The following FPR2 variants were observed in gnomAD, a reference collection of about 807,000 sequenced individuals.
FPR2 encodes the protein N-formyl peptide receptor 2.
FPR2 carries 3 observed loss-of-function variants against 4.0 expected under a neutral mutation model. That is an observed-to-expected ratio of 0.74 (90% CI 0.34 to 1.92). The LOEUF is 1.92. FPR2 is among the 30% of genes most tolerant of loss of function. The probability of loss-of-function intolerance (pLI) is 0.07; values close to 1 mark genes in which losing one functional copy is unlikely to be tolerated. For missense variants in FPR2, 372 were observed against 435.7 expected (o/e 0.85, Z 1.30); for synonymous variants, 179 against 171.5 (o/e 1.04, Z -0.34).
At position 51,770,404 on chromosome 19, in the gene FPR2, T is replaced by C. The variant is rs534484136; in HGVS notation, c.*690T>C. ...TTCTACTATCCTTGCTAAGTTTTCA[T>C]AGAAAATAAGGAACAAAGAGAAACT... On this transcript the variant is annotated 3_prime_UTR_variant, in exon 2 of 2. Coordinates refer to ENST00000340023, the MANE Select transcript of FPR2 (RefSeq NM_001005738.2). 1 of 167,096 alleles carries C rather than the reference T, an allele frequency of 6.0e-6. No homozygotes were observed. 10.4% of individuals were successfully genotyped at this position (167,096 alleles called of 1,614,324 possible).
intron 1 of FPR2, among the ~76,000 whole-genome samples, chr19:51,765,989 G>A (rs768046815): frequency 6.1e-4 from 93 of 152,234 alleles, no homozygotes; most frequent in African/African-American, 2.1e-3. Flanking sequence ...GCAGTGGCAC[G>A]GCTCACTGCA....
At chr19:51,762,235 G>A (rs560140111) in intron 1 of FPR2, among the ~76,000 whole-genome samples, 7 of 151,568 alleles carry the variant, frequency 4.6e-5, no homozygotes, top group South Asian at 4.2e-4. Context: ...ACAGGCACCC[G>A]CCATCACGCC....
chr19:51,768,712 G>A lies in FPR2; in HGVS notation c.54G>A (p.Glu18=). Residue 18 remains glutamate, a synonymous_variant, in exon 2 of 2, where the codon GAG becomes GAA. Transcript: ENST00000340023. Reference sequence around the variant, plus strand: ...ATGAATATGAAGAAGTGTCCTATGAGTCTGCTGGCTACACTGTTCTGCGGA... The same window carrying A: ...ATGAATATGAAGAAGTGTCCTATGAATCTGCTGGCTACACTGTTCTGCGGA... The part of the protein sequence containing the change: ...PLNEYEEVSY[E]SAGYTVLRIL... The A allele has an allele frequency of 6.2e-7, 1 of 1,613,988 alleles. No individual in the cohort carries two copies. The highest frequency in any genetic ancestry group is 1.7e-5 in the Admixed American group (1 of 60,020).
At chr19:51,765,901 G>A (rs967726214) in intron 1 of FPR2, among the ~76,000 whole-genome samples, 9 of 152,154 alleles carry the variant, frequency 5.9e-5, no homozygotes, top group African/African-American at 1.9e-4. Flanking sequence ...GAGATTAGAA[G>A]AGAGATGTAG....
At chr19:51,768,238 A>G (rs17756817) in intron 1 of FPR2, 13,422 of 166,884 alleles carry the variant, frequency 0.08, 680 homozygotes, top group South Asian at 0.17. Flanking sequence ...GCTGAAAGAG[A>G]TTGCAGAGCT....
At chr19:51,761,513 ATATTAT>A (rs967640002) in intron 1 of FPR2, among the ~76,000 whole-genome samples, 2 of 152,350 alleles carry the variant, frequency 1.3e-5, no homozygotes, top group East Asian at 1.9e-4. Flanking sequence ...TAAATGAAAC[ATATTAT>A]TATAATTAAT....
chr19:51,762,842 T>C (rs2083847047), intron 1 of FPR2: 1 of 152,250 alleles, frequency 6.6e-6, no homozygotes, highest in Non-Finnish European at 1.5e-5. Flanking sequence ...GAGATAGAGA[T>C]GGCTCTGGCT....
At chr19:51,765,032 G>A (rs1246476630) in intron 1 of FPR2, among the ~76,000 whole-genome samples, 2 of 152,254 alleles carry the variant, frequency 1.3e-5, no homozygotes, top group Non-Finnish European at 2.9e-5. Flanking sequence ...TCACCATGTT[G>A]GCCAGGCTGG....
rs1239996583 is a variant in FPR2, at chr19:51,769,391, G to A, written c.733G>A (p.Ala245Thr). Reference sequence around the variant, plus strand: ...CAGCCGTCCCTTACGGGTCCTCACTGCTGTGGTGGCTTCTTTCTTCATCTG... The same window carrying A: ...CAGCCGTCCCTTACGGGTCCTCACTACTGTGGTGGCTTCTTTCTTCATCTG... ...KSSRPLRVLT[A>T]VVASFFICWF... is the part of the protein sequence containing the mutation. Residue 245 changes from alanine (A) to threonine (T), a missense_variant, in exon 2 of 2, where the codon GCT becomes ACT. By Grantham distance (58) the Ala-to-Thr change is moderately conservative (BLOSUM62 0). Transcript: ENST00000340023. This position sits in a 1 kb window ranked among gnomAD's most constrained non-coding sequence, Gnocchi z 4.4. The A allele has an allele frequency of 2.5e-6, 4 of 1,614,204 alleles. 1 individual carries two copies. The highest frequency in any genetic ancestry group is 3.3e-4 in the Middle Eastern group (2 of 6,062).
intron 1 of FPR2, among the ~76,000 whole-genome samples, chr19:51,765,957 G>A (rs939594816): frequency 6.0e-4 from 92 of 152,166 alleles, no homozygotes; most frequent in African/African-American, 2.1e-3. Flanking sequence ...ACAGAGTCTC[G>A]CTCTGTCCCC....
chr19:51,769,554 C>T lies in FPR2; in HGVS notation c.896C>T (p.Pro299Leu). 1.2e-6 allele frequency: 2 copies of T among 1,614,172 alleles called. No homozygotes were observed. The highest frequency in any genetic ancestry group is 1.7e-6 in the Non-Finnish European group (2 of 1,180,030). The change falls in exon 2 of 2, where the codon CCC becomes CTC. Residue 299 changes from proline (P) to leucine (L), a missense_variant. Coordinates refer to ENST00000340023, the MANE Select transcript of FPR2 (RefSeq NM_001005738.2). This position sits in a 1 kb window ranked among gnomAD's most constrained non-coding sequence, Gnocchi z 4.4. Reference protein sequence around the residue: ...SLAFFNSCLNPMLYVFVGQDF... With the variant: ...SLAFFNSCLNLMLYVFVGQDF... Reference sequence around the variant, plus strand: ...GCCTTCTTCAACAGCTGCCTCAACCCCATGCTTTACGTCTTTGTGGGCCAA... The same window carrying T: ...GCCTTCTTCAACAGCTGCCTCAACCTCATGCTTTACGTCTTTGTGGGCCAA...
At chr19:51,766,591 T>C (rs1403419552) in intron 1 of FPR2, among the ~76,000 whole-genome samples, 1 of 152,190 alleles carries the variant, frequency 6.6e-6, no homozygotes, top group Admixed American at 6.5e-5. Context: ...CCTAGTAATC[T>C]TGGGGGAATC....
chr19:51,762,402 T>C (rs186717904), intron 1 of FPR2: 2,561 of 153,096 alleles, frequency 0.017, 33 homozygotes, highest in Middle Eastern at 0.059. Context: ...GACTTTTTTT[T>C]TTTTTTTGAG....
At chr19:51,766,200 C>T (rs1238915196) in intron 1 of FPR2, among the ~76,000 whole-genome samples, 1 of 152,192 alleles carries the variant, frequency 6.6e-6, no homozygotes, top group Non-Finnish European at 1.5e-5. Context: ...GGATTACAGG[C>T]GTGAGCCACC....
chr19:51,761,997 G>A (rs1017282381), intron 1 of FPR2, among the ~76,000 whole-genome samples: 2 of 152,126 alleles, frequency 1.3e-5, no homozygotes, highest in African/African-American at 4.8e-5. Context: ...CAGGTCCAGG[G>A]GTACTTGAGG....
intron 1 of FPR2, among the ~76,000 whole-genome samples, chr19:51,765,057 C>A (rs1255768697): frequency 6.6e-6 from 1 of 152,196 alleles, no homozygotes; most frequent in Admixed American, 6.5e-5. Flanking sequence ...AAATTCCTGG[C>A]CTCAAGTGAT....
chr19:51,763,202 A>C (rs2083849919), intron 1 of FPR2: 1 of 152,210 alleles, frequency 6.6e-6, no homozygotes, highest in South Asian at 2.1e-4. Flanking sequence ...TATAGAGATA[A>C]GAGAGGTGGG....
intron 1 of FPR2, among the ~76,000 whole-genome samples, chr19:51,767,640 T>G (rs890221937): frequency 2.6e-5 from 4 of 152,090 alleles, no homozygotes; most frequent in Non-Finnish European, 5.9e-5. Flanking sequence ...CGTTGCTGGG[T>G]GGGCAACCAG....
intron 1 of FPR2, 52 bp from the exon 2 acceptor site, chr19:51,768,593 T>C (rs1224521226): frequency 2.9e-6 from 4 of 1,379,144 alleles, no homozygotes; most frequent in Non-Finnish European, 4.0e-6. Flanking sequence ...TAAATACAGA[T>C]GCTGTAAGAT....
Sources: gnomAD v4.1 joint callset for allele counts (sites outside exome capture counted in the v4.1 genomes callset) on GRCh38, gnomAD v4.1.1 for gene constraint, Gnocchi (gnomAD v3.1) non-coding constraint, MANE v1.5 for transcripts, NCBI Gene and HGNC (gene_info 2026-07-23, HGNC 2026-07-21) for gene names.